PRP4K: variants seen among roughly 807,000 people sequenced by gnomAD.
The protein encoded by PRP4K is serine/threonine-protein kinase PRP4 homolog.
the PRP4K span, among the ~76,000 whole-genome samples, chr6:4,035,651 CAGGTTGTGT>C: frequency 2.0e-5 from 3 of 151,998 alleles, no homozygotes; most frequent in African/African-American, 7.2e-5. Flanking sequence ...ACATGCAAGG[CAGGTTGTGT>C]TTTTAGGTTT....
chr6:4,033,537 C>T, the PRP4K span, among the ~76,000 whole-genome samples: 1 of 152,078 alleles, frequency 6.6e-6, no homozygotes. Flanking sequence ...ACCACTTAAA[C>T]TACTTTAGAA....
At chr6:4,021,404 C>A in the PRP4K span, 1 of 1,573,986 alleles carries the variant, frequency 6.4e-7, no homozygotes, top group East Asian at 2.3e-5. Context: ...GCCACCGCCG[C>A]CGAGGAGTCA....
the PRP4K span, among the ~76,000 whole-genome samples, chr6:4,037,003 A>C: frequency 4.1e-5 from 5 of 122,550 alleles, 1 homozygote; most frequent in East Asian, 7.6e-4. Context: ...AAAAAAAAAA[A>C]AAAAGATCCT....
the PRP4K span, chr6:4,060,857 C>CAG: frequency 2.0e-6 from 1 of 501,404 alleles, no homozygotes; most frequent in Non-Finnish European, 3.6e-6. This position sits in a 1 kb window ranked among gnomAD's most constrained non-coding sequence, Gnocchi z 4.7. Context: ...AATTACAGTG[C>CAG]TAATGTATAT....
chr6:4,058,923 C>T, the PRP4K span: 3 of 809,902 alleles, frequency 3.7e-6, no homozygotes, highest in Non-Finnish European at 5.7e-6. Context: ...GTAAGTATTT[C>T]CTTTTTGCTG....
At chr6:4,061,141 A>G in the PRP4K span, 1 of 155,488 alleles carries the variant, frequency 6.4e-6, no homozygotes, top group Non-Finnish European at 1.4e-5. Context: ...CATTCAGTAC[A>G]CTGAAGGTAA....
chr6:4,056,987 C>T, the PRP4K span: 7 of 1,461,166 alleles, frequency 4.8e-6, no homozygotes, highest in African/African-American at 2.9e-5. Context: ...AATTAATAGT[C>T]GTCAGTTTTC....
At chr6:4,041,706 A>G in the PRP4K span, among the ~76,000 whole-genome samples, 1 of 152,160 alleles carries the variant, frequency 6.6e-6, no homozygotes, top group African/African-American at 2.4e-5. Flanking sequence ...GCTAGAGGCC[A>G]GGGATACTGC....
chr6:4,047,263 A>G, the PRP4K span: 1 of 1,594,600 alleles, frequency 6.3e-7, no homozygotes, highest in East Asian at 2.2e-5. Context: ...GTTATTTTAA[A>G]TCAAGTGTTA....
At chr6:4,049,671 T>A in the PRP4K span, 2 of 1,500,118 alleles carry the variant, frequency 1.3e-6, no homozygotes, top group Non-Finnish European at 1.8e-6. Flanking sequence ...GCACTGTGTT[T>A]CCTACTTTCT....
the PRP4K span, among the ~76,000 whole-genome samples, chr6:4,023,915 A>G: frequency 2.7e-5 from 4 of 149,206 alleles, no homozygotes; most frequent in East Asian, 4.0e-4. Context: ...TCTCCAGGCT[A>G]GATTGCAGTG....
chr6:4,024,495 T>C, the PRP4K span, among the ~76,000 whole-genome samples: 1 of 152,080 alleles, frequency 6.6e-6, no homozygotes, highest in Non-Finnish European at 1.5e-5. Context: ...AATCAGTCAG[T>C]TCTCTGTGTC....
At chr6:4,041,613 A>G in the PRP4K span, among the ~76,000 whole-genome samples, 3 of 152,286 alleles carry the variant, frequency 2.0e-5, no homozygotes, top group Admixed American at 6.5e-5. Context: ...TCAAAAATAA[A>G]TGGGACAAAT....
the PRP4K span, among the ~76,000 whole-genome samples, chr6:4,051,368 C>T: frequency 2.6e-5 from 4 of 151,980 alleles, no homozygotes; most frequent in South Asian, 2.1e-4. Context: ...GGCTGGCGTG[C>T]GGTGGTGAGA....
the PRP4K span, among the ~76,000 whole-genome samples, chr6:4,057,751 C>CTTT: frequency 6.2e-5 from 5 of 81,092 alleles, no homozygotes; most frequent in East Asian, 3.4e-4. Flanking sequence ...CATAACTTAG[C>CTTT]TTTTTTTTTT....
the PRP4K span, chr6:4,058,910 AAAGT>A: frequency 5.2e-6 from 5 of 968,662 alleles, no homozygotes; most frequent in South Asian, 3.4e-5. Context: ...CAAAAACCCA[AAAGT>A]AAGTATTTCC....
At chr6:4,048,374 G>A in the PRP4K span, among the ~76,000 whole-genome samples, 19 of 93,592 alleles carry the variant, frequency 2.0e-4, no homozygotes, top group East Asian at 3.0e-4. Flanking sequence ...GCAAGACTCC[G>A]TCTCAAAAAA....
chr6:4,021,387 A>AGCCGCCGCC, the PRP4K span: 1 of 1,561,034 alleles, frequency 6.4e-7, no homozygotes, highest in Non-Finnish European at 8.7e-7. Flanking sequence ...ACCGTCCGGG[A>AGCCGCCGCC]GCCGCCGCCA....
the PRP4K span, chr6:4,021,470 A>T: frequency 2.5e-6 from 4 of 1,581,250 alleles, no homozygotes; most frequent in Non-Finnish European, 3.4e-6. Flanking sequence ...AGCCAGAGTA[A>T]GTAGTCTCTG....
Sources: allele counts gnomAD v4.1 joint callset (sites outside exome capture counted in the v4.1 genomes callset), GRCh38; gene constraint gnomAD v4.1.1; non-coding constraint Gnocchi (gnomAD v3.1); transcripts MANE v1.5; gene names NCBI Gene and HGNC (gene_info 2026-07-23, HGNC 2026-07-21).